CERT1: variants seen among roughly 807,000 people sequenced by gnomAD.
The protein encoded by CERT1 is ceramide transfer protein.
In CERT1, 31 loss-of-function variants were observed where a neutral mutation model predicts 87.9. The ratio of observed to expected loss-of-function variants is 0.35; its 90% CI spans 0.27 to 0.48. The LOEUF is 0.48. Ranked by LOEUF, CERT1 falls within the 20% of genes least tolerant of loss-of-function variation. CERT1 has a pLI of 0.99. For synonymous variants in CERT1, 289 were observed against 250.9 expected, an observed-to-expected ratio of 1.15 and a Z score of -1.44; for missense variants, 487 against 758.0, an observed-to-expected ratio of 0.64 and a Z score of 4.20.
At chr5:75,436,207 G>A (rs1370912714) in intron 3 of CERT1, among the ~76,000 whole-genome samples, 1 of 151,984 alleles carries the variant, frequency 6.6e-6, no homozygotes, top group Non-Finnish European at 1.5e-5. Context: ...TAATTTTTTT[G>A]TATTTTTAGT....
chr5:75,395,469 C>T lies in CERT1; in HGVS notation c.1188+3841G>A, dbSNP rs1038475227. 2.8e-5 allele frequency among the ~76,000 whole-genome samples: 4 copies of T among 142,444 alleles called. No homozygotes were observed. In the Admixed American group the frequency reaches 3.1e-4, roughly 11 times the overall value. The allele number at this position is 142,444 out of a possible 152,430, so 93.4% of individuals were successfully genotyped here. A position where few individuals can be genotyped will look rare whatever the true frequency, so the allele number is the denominator to read the frequency against. On this transcript the variant is annotated intron_variant, in intron 11 of 16. Coordinates refer to ENST00000643780, the MANE Select transcript of CERT1 (RefSeq NM_001379029.1). ...GAGAGACAGGAGGATCACTTGTGTC[C>T]AGGAAGTCAGAGGTCAGAGGTCAGG... is the stretch of plus-strand genomic sequence containing the variant.
intron 3 of CERT1, among the ~76,000 whole-genome samples, chr5:75,457,907 C>T (rs952352254): frequency 7.0e-6 from 1 of 143,616 alleles, no homozygotes; most frequent in Admixed American, 7.0e-5. Flanking sequence ...GGTATAGGCG[C>T]GCGTGTGTGT....
intron 3 of CERT1, among the ~76,000 whole-genome samples, chr5:75,451,143 A>G (rs1416325167): frequency 6.6e-6 from 1 of 152,170 alleles, no homozygotes; most frequent in Non-Finnish European, 1.5e-5. Context: ...CAACCTCAAA[A>G]ATGCTGGTAG....
Position 75,511,594 on chromosome 5 carries a change from G to A in CERT1, c.-387C>T, listed in dbSNP as rs1768009812. 40 of 1,465,686 alleles carry A rather than the reference G, an allele frequency of 2.7e-5. No individual in the cohort carries two copies. Among genetic ancestry groups the A allele is most frequent in the South Asian group, 5.5e-5 (4 of 72,318 alleles). 90.8% of individuals were successfully genotyped at this position (1,465,686 alleles called of 1,614,324 possible). A position where few individuals can be genotyped will look rare whatever the true frequency, so the allele number is the denominator to read the frequency against. On this transcript the variant is annotated 5_prime_UTR_variant, in exon 1 of 17. Transcript: ENST00000643780. ...GAGTCCCGCGTCCACTCACACCTCC[G>A]CTACCGCCGCCATCTTCCTGCCTGG...
intron 2 of CERT1, among the ~76,000 whole-genome samples, chr5:75,496,483 G>A (rs756144459): frequency 6.6e-6 from 1 of 152,114 alleles, no homozygotes; most frequent in African/African-American, 2.4e-5. Flanking sequence ...ATCTACCCAG[G>A]AGAAATGAAA....
chr5:75,433,730 C>T (rs1763967203), intron 3 of CERT1, among the ~76,000 whole-genome samples: 1 of 152,090 alleles, frequency 6.6e-6, no homozygotes, highest in Non-Finnish European at 1.5e-5. Flanking sequence ...TCTTTTTGCC[C>T]AGTCTAGTCT....
intron 3 of CERT1, among the ~76,000 whole-genome samples, chr5:75,450,451 G>A (rs1355634893): frequency 6.6e-6 from 1 of 152,156 alleles, no homozygotes; most frequent in African/African-American, 2.4e-5. Flanking sequence ...CCACCAAAAT[G>A]TATTTCTTTG....
rs1761416268 is a variant in CERT1 at position 75,378,482 on chromosome 5, T to C, written c.*864A>G. 1 of 152,194 alleles carries C rather than the reference T, an allele frequency of 6.6e-6. No homozygotes were observed. The highest frequency in any genetic ancestry group is 2.1e-4 in the South Asian group (1 of 4,832). The allele number at this position is 152,194 out of a possible 1,614,324, so 9.4% of individuals were successfully genotyped here. A position where few individuals can be genotyped will look rare whatever the true frequency, so the allele number is the denominator to read the frequency against. Reference sequence around the variant, plus strand: ...TGCATAAAGGTGTTCAGTGCTGTACTGGTTGACAGTAAAAATATGGAACCA... The same window carrying C: ...TGCATAAAGGTGTTCAGTGCTGTACCGGTTGACAGTAAAAATATGGAACCA... On this transcript the variant is annotated 3_prime_UTR_variant, in exon 17 of 17. Coordinates refer to ENST00000643780, the MANE Select transcript of CERT1 (RefSeq NM_001379029.1).
chr5:75,374,198 GAAAAAA>G (rs749454395), downstream of CERT1: 94 of 304,020 alleles, frequency 3.1e-4, no homozygotes, highest in African/African-American at 4.2e-4. Flanking sequence ...GTCACTGAAG[GAAAAAA>G]AAAAAAAAAA....
intron 13 of CERT1, among the ~76,000 whole-genome samples, chr5:75,385,679 C>T (rs892674477): frequency 6.6e-6 from 1 of 152,158 alleles, no homozygotes; most frequent in African/African-American, 2.4e-5. Context: ...ATAATACCTA[C>T]CTATCACTGT....
intron 2 of CERT1, among the ~76,000 whole-genome samples, chr5:75,490,185 G>A (rs375180210): frequency 1.3e-4 from 20 of 152,222 alleles, no homozygotes; most frequent in Middle Eastern, 6.8e-3. Context: ...ATCACACGCC[G>A]GGGCCTGTCG....
intron 2 of CERT1, among the ~76,000 whole-genome samples, chr5:75,465,284 G>T (rs1167824583): frequency 1.3e-5 from 2 of 152,220 alleles, no homozygotes; most frequent in Non-Finnish European, 2.9e-5. Context: ...TCACAATGGA[G>T]ATTTGACCCT....
At chr5:75,395,815 A>C (rs1306056851) in intron 11 of CERT1, among the ~76,000 whole-genome samples, 1 of 152,170 alleles carries the variant, frequency 6.6e-6, no homozygotes, top group South Asian at 2.1e-4. Flanking sequence ...GTGCCACTGC[A>C]CTACAGCCTG....
intron 3 of CERT1, among the ~76,000 whole-genome samples, chr5:75,435,641 G>GT (rs1193128971): frequency 6.6e-6 from 1 of 152,182 alleles, no homozygotes; most frequent in Non-Finnish European, 1.5e-5. Context: ...TGACTGTGGT[G>GT]TAAGTTGGGT....
intron 2 of CERT1, among the ~76,000 whole-genome samples, chr5:75,466,722 G>A (rs1362419421): frequency 6.6e-6 from 1 of 152,126 alleles, no homozygotes; most frequent in South Asian, 2.1e-4. Context: ...CTTTTCTTCT[G>A]AGTCCCACCT....
intron 11 of CERT1, among the ~76,000 whole-genome samples, chr5:75,395,542 C>T (rs897107260): frequency 7.8e-6 from 1 of 128,244 alleles, no homozygotes; most frequent in African/African-American, 3.4e-5. Flanking sequence ...ACAAGTGAAA[C>T]CTTGTCTCTT....
chr5:75,463,545 AG>A (rs1765328613), intron 2 of CERT1, among the ~76,000 whole-genome samples: 1 of 152,234 alleles, frequency 6.6e-6, no homozygotes, highest in Non-Finnish European at 1.5e-5. Flanking sequence ...ATAACCTTAT[AG>A]GAACAAAAGA....
chr5:75,384,501 T>A (rs1332359582), intron 14 of CERT1, 141 bp downstream of exon 14: 1 of 596,904 alleles, frequency 1.7e-6, no homozygotes, highest in Non-Finnish European at 3.0e-6. Flanking sequence ...TTTAAATACA[T>A]GACATTCATG....
At chr5:75,374,395 T>G, downstream of CERT1, 1 of 551,840 alleles carries the variant, frequency 1.8e-6, no homozygotes, top group Non-Finnish European at 3.2e-6. Flanking sequence ...GAATCAAAGG[T>G]ATATGGAATT....
Sources: gnomAD v4.1 joint callset for allele counts (sites outside exome capture counted in the v4.1 genomes callset) on GRCh38, gnomAD v4.1.1 for gene constraint, MANE v1.5 for transcripts, NCBI Gene and HGNC (gene_info 2026-07-23, HGNC 2026-07-21) for gene names.